The following PDGFRB variants were observed in gnomAD, a reference collection of about 807,000 sequenced individuals.
The protein encoded by PDGFRB is platelet-derived growth factor receptor beta.
In PDGFRB, 42 loss-of-function variants were observed where a neutral mutation model predicts 120.2. That is an observed-to-expected ratio of 0.35 (90% CI 0.27 to 0.45). The LOEUF is 0.45. PDGFRB is among the 20% of genes least tolerant of loss of function. The pLI, the probability that PDGFRB is intolerant of heterozygous loss-of-function variation, is 1.00. For missense variants in PDGFRB, 1,149 were observed against 1,476.3 expected (o/e 0.78, Z 3.63); for synonymous variants, 586 against 606.8 (o/e 0.97, Z 0.50).
chr5:150,117,736 C>T lies in PDGFRB; in HGVS notation c.3019G>A (p.Val1007Ile), dbSNP rs142762235. Residue 1007 changes from valine to isoleucine, a missense_variant, in exon 22 of 23, where the codon GTC becomes ATC. Coordinates refer to ENST00000261799, the MANE Select transcript of PDGFRB (RefSeq NM_002609.4). The part of the protein sequence containing the change: ...GLRSPLDTSS[V>I]LYTAVQPNEG... ...TTGGGCTGCACGGCAGTATAGAGGA[C>T]GGAGCTGGTGTCCAGGGGAGATCGG... is the stretch of plus-strand genomic sequence containing the variant. The T allele has an allele frequency of 4.5e-5, 72 of 1,613,512 alleles. No homozygotes were observed. Among genetic ancestry groups the T allele is most frequent in the Middle Eastern group, 3.3e-4 (2 of 6,060 alleles).
Position 150,133,780 on chromosome 5 carries a change from A to T in PDGFRB, c.760-20T>A. On this transcript the variant is annotated intron_variant, in intron 5 of 22. Coordinates refer to ENST00000261799, the MANE Select transcript of PDGFRB (RefSeq NM_002609.4). ...CCCACTCTGCAGCAACAGGTTGGGC[A>T]GGCCCCCCAAATCAGGAGGGGCCGG... 6.2e-7 allele frequency: 1 copy of T among 1,613,082 alleles called. No individual in the cohort carries two copies. The highest frequency in any genetic ancestry group is 8.5e-7 in the Non-Finnish European group (1 of 1,179,076).
In PDGFRB at chr5:150,120,915, CCGCATGATGTCT is replaced by C; in HGVS notation, c.2547_2558del (p.Ile851_Asp854del). Reference sequence around the variant, plus strand: ...TGCCTTTGGAGATGTAATTCGAGTCCCGCATGATGTCTCGAGCCAGGCCAAAGTCACAGATCT... The same window carrying C: ...TGCCTTTGGAGATGTAATTCGAGTCCCGAGCCAGGCCAAAGTCACAGATCT... On this transcript the variant is annotated inframe_deletion, in exon 18 of 23. Transcript: ENST00000261799. This position sits in a 1 kb window ranked among gnomAD's most constrained non-coding sequence, Gnocchi z 4.3. 6.2e-7 allele frequency: 1 copy of C among 1,613,964 alleles called. No homozygotes were observed. The highest frequency in any genetic ancestry group is 8.5e-7 in the Non-Finnish European group (1 of 1,179,888).
rs2113889073 is a variant in PDGFRB, at chr5:150,121,035, A to G, written c.2464-25T>C. 2 of 1,612,892 alleles carry G rather than the reference A, an allele frequency of 1.2e-6. No homozygotes were observed. Among genetic ancestry groups the G allele is most frequent in the East Asian group, 2.2e-5 (1 of 44,866 alleles). ...ACTGGGTTTGGGGAGAGGGGAGCTG[A>G]GGCCTTGGGGACAATTGTGGGGAAA... On this transcript the variant is annotated intron_variant, in intron 17 of 22. Transcript: ENST00000261799. The surrounding 1 kb of genome is among the most constrained non-coding windows in gnomAD (Gnocchi z 4.1).
rs56307526 is a variant in PDGFRB, at chr5:150,124,176, AG to A, written c.2023+73del. 1,424 of 957,254 alleles carry A rather than the reference AG, an allele frequency of 1.5e-3. 1 individual carries two copies. The highest frequency in any genetic ancestry group is 3.3e-3 in the African/African-American group (204 of 61,768). The allele number at this position is 957,254 out of a possible 1,614,324, so 59.3% of individuals were successfully genotyped here. A position where few individuals can be genotyped will look rare whatever the true frequency, so the allele number is the denominator to read the frequency against. ...GGAGTGTGCTGTTGTGCAAGGCCTG[AG>A]GGGGGGGTAGGCGGGGCCTGGCCTT... On this transcript the variant is annotated intron_variant, in intron 14 of 22. Transcript: ENST00000261799.
chr5:150,124,483 G>C (rs544475593), intron 13 of PDGFRB, 123 bp from the exon 14 acceptor site: 1 of 721,894 alleles, frequency 1.4e-6, no homozygotes, highest in African/African-American at 1.8e-5. Flanking sequence ...AGCCTGGCGG[G>C]GGTGAGCACC....
At chr5:150,150,416 C>T (rs1380275574) in intron 1 of PDGFRB, among the ~76,000 whole-genome samples, 2 of 152,196 alleles carry the variant, frequency 1.3e-5, no homozygotes, top group East Asian at 3.9e-4. Flanking sequence ...TCCCAAGGGA[C>T]AGCCCTCTCC....
chr5:150,138,462 G>A (rs74730526), intron 1 of PDGFRB, among the ~76,000 whole-genome samples: 9,912 of 152,232 alleles, frequency 0.065, 362 homozygotes, highest in South Asian at 0.085. Flanking sequence ...TGTCAGGGGT[G>A]GGACATAGGC....
chr5:150,124,206 G>C, intron 14 of PDGFRB, 44 bp downstream of exon 14: 2 of 1,358,118 alleles, frequency 1.5e-6, no homozygotes, highest in Non-Finnish European at 2.1e-6. Context: ...TGGCCTTGGT[G>C]GTGGGCACTT....
chr5:150,124,016 G>A (rs1367080968), intron 14 of PDGFRB, among the ~76,000 whole-genome samples: 2 of 152,264 alleles, frequency 1.3e-5, no homozygotes, highest in Non-Finnish European at 2.9e-5. Flanking sequence ...CCATGGTCTG[G>A]AAGCTGCTGG....
rs1358495175 is a variant in PDGFRB, at chr5:150,133,722, C to G, written c.798G>C (p.Leu266Phe). The G allele has an allele frequency of 2.5e-6, 4 of 1,613,990 alleles. No homozygotes were observed. Among genetic ancestry groups the G allele is most frequent in the Non-Finnish European group, 3.4e-6 (4 of 1,180,012 alleles). The change falls in exon 6 of 23, where the codon TTG becomes TTC. Residue 266 changes from leucine (L) to phenylalanine (F), a missense_variant. By Grantham distance (22) the Leu-to-Phe change is conservative (BLOSUM62 0). This residue lies in a region of PDGFRB where 879 missense variants were observed against 1,108.6 expected (regional missense o/e 0.79). Coordinates refer to ENST00000261799, the MANE Select transcript of PDGFRB (RefSeq NM_002609.4). ...RLVEPVTDFL[L>F]DMPYHIRSIL... is the part of the protein sequence containing the mutation. ...TGGAGCGGATGTGGTAAGGCATATCCAAGAGGAAGTCAGTCACCGGCTCCA... is the reference window on the plus strand; with the variant it reads ...TGGAGCGGATGTGGTAAGGCATATCGAAGAGGAAGTCAGTCACCGGCTCCA...
chr5:150,135,517 AG>A, intron 3 of PDGFRB, 37 bp downstream of exon 3: 1 of 1,289,320 alleles, frequency 7.8e-7, no homozygotes, highest in Non-Finnish European at 1.1e-6. Flanking sequence ...AGTTGACAAG[AG>A]GGGTAAGGAG....
Position 150,135,611 on chromosome 5 carries a change from T to C in PDGFRB, c.308A>G (p.Asn103Ser), listed in dbSNP as rs770961190. The C allele has an allele frequency of 3.7e-6, 6 of 1,613,618 alleles. No individual in the cohort carries two copies. In the African/African-American group the frequency reaches 5.3e-5, roughly 14 times the overall value. The part of the protein sequence containing the change: ...LDTGEYFCTH[N>S]DSRGLETDER... ...ATCGGTCTCCAGTCCACGGGAGTCA[T>C]TGTGGGTGCAAAAGTATTCTCCCGT... The change falls in exon 3 of 23, where the codon AAT becomes AGT. Residue 103 changes from asparagine (N) to serine (S), a missense_variant. Physicochemically the swap from Asn to Ser is conservative, Grantham distance 46. Transcript: ENST00000261799.
chr5:150,130,560 G>A lies in PDGFRB; in HGVS notation c.1346C>T (p.Ser449Phe), dbSNP rs1312583190. ...RGMPQPNIIW[S>F]ACRDLKRCPR... ...TCACCTTTTGAGGTCTCTGCAGGCA[G>A]ACCAGATGATGTTCGGCTGGGGCAT... Residue 449 changes from serine (S) to phenylalanine (F), a missense_variant, in exon 9 of 23, where the codon TCT becomes TTT. Physicochemically the swap from Ser to Phe is radical, Grantham distance 155 (BLOSUM62 -2). Transcript: ENST00000261799. The A allele has an allele frequency of 6.2e-7, 1 of 1,611,622 alleles. No homozygotes were observed. Among genetic ancestry groups the A allele is most frequent in the African/African-American group, 1.3e-5 (1 of 74,958 alleles).
Position 150,117,764 on chromosome 5 carries a change from G to T in PDGFRB, c.2991C>A (p.Gly997=). The change falls in exon 22 of 23, where the codon GGC becomes GGA. Residue 997 remains glycine (G), a synonymous_variant. Transcript: ENST00000261799. ...RSQARLPGFH[G]LRSPLDTSSV... ...AGCTGGTGTCCAGGGGAGATCGGAG[G>T]CCATGGAACCCAGGCAAGCGGGCCT... 1 of 1,613,656 alleles carries T rather than the reference G, an allele frequency of 6.2e-7. No individual in the cohort carries two copies. The highest frequency in any genetic ancestry group is 8.5e-7 in the Non-Finnish European group (1 of 1,179,602).
intron 21 of PDGFRB, among the ~76,000 whole-genome samples, chr5:150,118,541 A>G (rs564703769): frequency 6.6e-6 from 1 of 152,294 alleles, no homozygotes; most frequent in South Asian, 2.1e-4. Flanking sequence ...GCTTCCATGT[A>G]GGATTCCATT....
chr5:150,119,376 A>G lies in PDGFRB; in HGVS notation c.2798+91T>C, dbSNP rs1760060428. On this transcript the variant is annotated intron_variant, in intron 20 of 22. Coordinates refer to ENST00000261799, the MANE Select transcript of PDGFRB (RefSeq NM_002609.4). The stretch of plus-strand genomic sequence containing the variant: ...CAAGGCTTTCTAGATCTCTGAGCTA[A>G]CAAATCTCTCATCTTTGGTTTAAGC... 1.0e-5 allele frequency: 8 copies of G among 783,032 alleles called. No homozygotes were observed. In the East Asian group the frequency reaches 2.0e-4, roughly 19 times the overall value. The allele number at this position is 783,032 out of a possible 1,614,324, so 48.5% of individuals were successfully genotyped here.
At chr5:150,130,962 A>C (rs746849772) in intron 8 of PDGFRB, among the ~76,000 whole-genome samples, 29 of 152,174 alleles carry the variant, frequency 1.9e-4, no homozygotes, top group Non-Finnish European at 4.1e-4. Flanking sequence ...CAAGCTCATG[A>C]AGCCAGCATT....
In PDGFRB at chr5:150,124,768, T is replaced by C; in HGVS notation, c.1871A>G (p.His624Arg). Residue 624 changes from histidine (H) to arginine (R), a missense_variant, in exon 13 of 23, where the codon CAT becomes CGT. This residue lies in a region of PDGFRB where 879 missense variants were observed against 1,108.6 expected (regional missense o/e 0.79). Transcript: ENST00000261799. ...GGCCACTTTCATCGTGGCCTGAGAA[T>C]GGCTCAGGCCATGAGCCGTGGCCTC... ...VVEATAHGLS[H>R]SQATMKVAVK... 1 of 1,605,894 alleles carries C rather than the reference T, an allele frequency of 6.2e-7. No individual in the cohort carries two copies. Among genetic ancestry groups the C allele is most frequent in the Non-Finnish European group, 8.5e-7 (1 of 1,173,274 alleles).
intron 9 of PDGFRB, among the ~76,000 whole-genome samples, chr5:150,130,206 G>A (rs1760423593): frequency 6.6e-6 from 1 of 152,230 alleles, no homozygotes; most frequent in African/African-American, 2.4e-5. Context: ...CACGGCGTAT[G>A]GGGTAGAGGC....
Sources: allele counts gnomAD v4.1 joint callset (sites outside exome capture counted in the v4.1 genomes callset), GRCh38; gene constraint gnomAD v4.1.1; regional missense constraint gnomAD v4.1.1; non-coding constraint Gnocchi (gnomAD v3.1); transcripts MANE v1.5; gene names NCBI Gene and HGNC (gene_info 2026-07-23, HGNC 2026-07-21).